NLGN2: variants seen among roughly 807,000 people sequenced by gnomAD.
NLGN2 encodes neuroligin 2, also known as neuroligin-2.
NLGN2 carries 11 observed loss-of-function variants against 48.6 expected under a neutral mutation model. That is an observed-to-expected ratio of 0.23 (90% CI 0.14 to 0.37). The LOEUF (loss-of-function observed/expected upper bound fraction) is 0.37, where lower values mean the gene tolerates loss of function less well. NLGN2 is among the 10% of genes least tolerant of loss of function. The pLI is 1.00. For synonymous variants in NLGN2, 548 were observed against 550.0 expected (o/e 1.00, Z 0.05); for missense variants, 801 against 1,225.2 (o/e 0.65, Z 5.17).
At chr17:7,414,177 G>A (rs1312706376) in intron 2 of NLGN2, among the ~76,000 whole-genome samples, 167 bp from the exon 3 acceptor site, 1 of 152,088 alleles carries the variant, frequency 6.6e-6, no homozygotes, top group African/African-American at 2.4e-5. Context: ...GGCTAGCTGG[G>A]GAGGGAGGAG....
At chr17:7,412,538 GAC>G (rs1438111858) in intron 2 of NLGN2, among the ~76,000 whole-genome samples, 2 of 151,984 alleles carry the variant, frequency 1.3e-5, no homozygotes, top group Non-Finnish European at 2.9e-5. Flanking sequence ...AAGAAATCTG[GAC>G]AGTTTTGAAA....
In NLGN2 at chr17:7,415,625, G is replaced by A. The variant is rs929016372; in HGVS notation, c.1152G>A (p.Gln384=). The A allele has an allele frequency of 6.2e-7, 1 of 1,613,654 alleles. No homozygotes were observed. The highest frequency in any genetic ancestry group is 8.5e-7 in the Non-Finnish European group (1 of 1,179,536). ...ACGACATGCTCATCGGCGTCAACCA[G>A]GGAGAGGGCCTCAAGTTCGTGGAGG... The part of the protein sequence containing the change: ...LNYDMLIGVN[Q]GEGLKFVEDS... Residue 384 remains glutamine (Q), a synonymous_variant, in exon 6 of 7, where the codon CAG becomes CAA. Transcript: ENST00000302926.
At chr17:7,407,334 C>T (rs779427254), upstream of NLGN2, among the ~76,000 whole-genome samples, 12 of 152,172 alleles carry the variant, frequency 7.9e-5, no homozygotes, top group Non-Finnish European at 1.3e-4. Context: ...TAACCCCAGC[C>T]TCAAGGTACC....
Position 7,417,827 on chromosome 17 carries a change from G to A in NLGN2, c.*28G>A, listed in dbSNP as rs774582880. ...GGTGGGTGGGGAGGCCCTCCTCCCCGGCCCTCCCTGGCCCGGCCACTCCGA... is the reference window on the plus strand; with the variant it reads ...GGTGGGTGGGGAGGCCCTCCTCCCCAGCCCTCCCTGGCCCGGCCACTCCGA... On this transcript the variant is annotated 3_prime_UTR_variant, in exon 7 of 7. Coordinates refer to ENST00000302926, the MANE Select transcript of NLGN2 (RefSeq NM_020795.4). 1.3e-5 allele frequency: 18 copies of A among 1,338,004 alleles called. No homozygotes were observed. The highest frequency in any genetic ancestry group is 1.6e-5 in the African/African-American group (1 of 64,228). 82.9% of individuals were successfully genotyped at this position (1,338,004 alleles called of 1,614,324 possible). A position where few individuals can be genotyped will look rare whatever the true frequency, so the allele number is the denominator to read the frequency against.
In NLGN2 at chr17:7,411,446, G is replaced by A. The variant is rs1567660311; in HGVS notation, c.458-711G>A. Among the ~76,000 whole-genome samples, 1 of 152,224 alleles carries A rather than the reference G, an allele frequency of 6.6e-6. No individual in the cohort carries two copies. Among genetic ancestry groups the A allele is most frequent in the Non-Finnish European group, 1.5e-5 (1 of 68,038 alleles). ...AGCTGGGGTGAGAAGCCAGGCCTGT[G>A]AGTGTGGATAGACGAGAAGTGCTGG... On this transcript the variant is annotated intron_variant, in intron 1 of 6. Transcript: ENST00000302926. The surrounding 1 kb of genome is among the most constrained non-coding windows in gnomAD (Gnocchi z 4.5).
At chr17:7,406,206 G>A (rs1906630094), upstream of NLGN2, among the ~76,000 whole-genome samples, 1 of 152,094 alleles carries the variant, frequency 6.6e-6, no homozygotes, top group South Asian at 2.1e-4. Context: ...CAAGAGCTGG[G>A]GCAAGCTGGA....
upstream of NLGN2, chr17:7,404,772 C>T (rs879709695): frequency 6.6e-6 from 1 of 152,220 alleles, no homozygotes; most frequent in Non-Finnish European, 1.5e-5. Flanking sequence ...CCAATCCCCC[C>T]ATTCTCCGGA....
At chr17:7,412,819 TC>T (rs1906953166) in intron 2 of NLGN2, among the ~76,000 whole-genome samples, 1 of 152,212 alleles carries the variant, frequency 6.6e-6, no homozygotes, top group African/African-American at 2.4e-5. Flanking sequence ...TTTTCTTTTT[TC>T]CCAAAATGGA....
chr17:7,406,764 G>T (rs556908386), upstream of NLGN2, among the ~76,000 whole-genome samples: 185 of 152,232 alleles, frequency 1.2e-3, no homozygotes, highest in African/African-American at 4.3e-3. Flanking sequence ...GCAACTGTAG[G>T]GGGGGTGGCA....
chr17:7,409,553 AC>A (rs1906792699), intron 1 of NLGN2, among the ~76,000 whole-genome samples: 1 of 149,708 alleles, frequency 6.7e-6, no homozygotes, highest in African/African-American at 2.5e-5. Flanking sequence ...CCTCACAAAC[AC>A]CCCCCTGCAC....
chr17:7,408,323 G>C lies in NLGN2; in HGVS notation c.68G>C (p.Gly23Ala). The change falls in exon 1 of 7, where the codon GGC (glycine) becomes GCC (alanine). Residue 23 changes from glycine to alanine, a missense_variant. Physicochemically the swap from Gly to Ala is moderately conservative, Grantham distance 60. Coordinates refer to ENST00000302926, the MANE Select transcript of NLGN2 (RefSeq NM_020795.4). The surrounding 1 kb of genome is among the most constrained non-coding windows in gnomAD (Gnocchi z 7.5). The part of the protein sequence containing the change: ...GAQRGGGGPG[G>A]GAPGGPGLGL... ...CAACGCGGGGGAGGGGGTCCCGGCG[G>C]CGGCGCCCCGGGCGGCCCCGGCCTG... 1 of 1,401,088 alleles carries C rather than the reference G, an allele frequency of 7.1e-7. No individual in the cohort carries two copies. 86.8% of individuals were successfully genotyped at this position (1,401,088 alleles called of 1,614,324 possible).
chr17:7,415,475 T>C (rs1458494291), intron 5 of NLGN2, 36 bp from the exon 6 acceptor site: 1 of 1,582,758 alleles, frequency 6.3e-7, no homozygotes, highest in Non-Finnish European at 8.7e-7. Context: ...AGGAGGCCAG[T>C]GAGCAGGTGG....
At chr17:7,416,498 A>C (rs1597713430) in intron 6 of NLGN2, among the ~76,000 whole-genome samples, 1 of 147,486 alleles carries the variant, frequency 6.8e-6, no homozygotes, top group Non-Finnish European at 1.5e-5. Context: ...ACAGCTCTCC[A>C]CCTCCCTCTG....
intron 2 of NLGN2, 84 bp downstream of exon 2, chr17:7,412,291 C>A: frequency 1.1e-6 from 1 of 912,796 alleles, no homozygotes; most frequent in Non-Finnish European, 1.8e-6. Flanking sequence ...GTCCCCACAG[C>A]CCTCAAGGCC....
intron 1 of NLGN2, among the ~76,000 whole-genome samples, chr17:7,409,499 G>C (rs1410225885): frequency 6.6e-6 from 1 of 152,040 alleles, no homozygotes; most frequent in Non-Finnish European, 1.5e-5. Flanking sequence ...TCCAGAGTGT[G>C]AACAGGGTGC....
In NLGN2 at chr17:7,411,566, G is replaced by C. The variant is rs11657418; in HGVS notation, c.458-591G>C. On this transcript the variant is annotated intron_variant, in intron 1 of 6. Transcript: ENST00000302926. The surrounding 1 kb of genome is among the most constrained non-coding windows in gnomAD (Gnocchi z 4.5). The stretch of plus-strand genomic sequence containing the variant: ...GCTTCTGGGGCTGAGCTGTGGGGCA[G>C]GCTGCCCCCCAACCCTGTCCTGCTC... 0.21 allele frequency among the ~76,000 whole-genome samples: 31,302 copies of C among 152,224 alleles called. 4,133 individuals are homozygous for C. Among genetic ancestry groups the C allele is most frequent in the Middle Eastern group, 0.3 (89 of 294 alleles).
At position 7,408,506 on chromosome 17, in the gene NLGN2, T is replaced by C; in HGVS notation, c.251T>C (p.Phe84Ser). 1 of 1,519,278 alleles carries C rather than the reference T, an allele frequency of 6.6e-7. No homozygotes were observed. The highest frequency in any genetic ancestry group is 8.8e-7 in the Non-Finnish European group (1 of 1,139,854). The allele number at this position is 1,519,278 out of a possible 1,614,324, so 94.1% of individuals were successfully genotyped here. Residue 84 changes from phenylalanine to serine, a missense_variant, in exon 1 of 7, where the codon TTC becomes TCC. Transcript: ENST00000302926. This position sits in a 1 kb window ranked among gnomAD's most constrained non-coding sequence, Gnocchi z 7.5. ...YATPPLGARR[F>S]QPPEAPASWP... is the part of the protein sequence containing the mutation. ...ACGCCGCCCCTGGGCGCCCGCCGCT[T>C]CCAGCCGCCTGAGGCGCCCGCCTCG...
chr17:7,413,361 C>G lies in NLGN2; in HGVS notation c.509-983C>G, dbSNP rs1053548904. ...ATGCTGGGGACCAGCTGTGGAGGCC[C>G]AGGCCTGGCTTTGGTTTGCTGAGTA... On this transcript the variant is annotated intron_variant, in intron 2 of 6. Transcript: ENST00000302926. The surrounding 1 kb of genome is among the most constrained non-coding windows in gnomAD (Gnocchi z 4.9). 6.6e-6 allele frequency among the ~76,000 whole-genome samples: 1 copy of G among 152,200 alleles called. No individual in the cohort carries two copies. Among genetic ancestry groups the G allele is most frequent in the African/African-American group, 2.4e-5 (1 of 41,438 alleles).
At position 7,415,617 on chromosome 17, in the gene NLGN2, G is replaced by A. The variant is rs746485119; in HGVS notation, c.1144G>A (p.Val382Ile). ...EFLNYDMLIG[V>I]NQGEGLKFVE... ...CCTCAACTACGACATGCTCATCGGCGTCAACCAGGGAGAGGGCCTCAAGTT... is the reference window on the plus strand; with the variant it reads ...CCTCAACTACGACATGCTCATCGGCATCAACCAGGGAGAGGGCCTCAAGTT... The change falls in exon 6 of 7, where the codon GTC (valine) becomes ATC (isoleucine). Residue 382 changes from valine (V) to isoleucine (I), a missense_variant. This residue lies in a region of NLGN2 where 303 missense variants were observed against 600.1 expected (regional missense o/e 0.50). Coordinates refer to ENST00000302926, the MANE Select transcript of NLGN2 (RefSeq NM_020795.4). 3.7e-6 allele frequency: 6 copies of A among 1,613,600 alleles called. No individual in the cohort carries two copies. The highest frequency in any genetic ancestry group is 2.2e-5 in the South Asian group (2 of 91,084).
Sources: gnomAD v4.1 joint callset for allele counts (sites outside exome capture counted in the v4.1 genomes callset) on GRCh38, gnomAD v4.1.1 for gene constraint, gnomAD v4.1.1 regional missense constraint, Gnocchi (gnomAD v3.1) non-coding constraint, MANE v1.5 for transcripts, NCBI Gene and HGNC (gene_info 2026-07-23, HGNC 2026-07-21) for gene names.